Variants in TOP1 observed in about 807,000 individuals in gnomAD.
The protein encoded by TOP1 is DNA topoisomerase 1.
In TOP1, 10 loss-of-function variants were observed where a neutral mutation model predicts 111.1. The observed-to-expected ratio is 0.09, with a 90% CI of 0.06 to 0.15. The LOEUF is 0.15. TOP1 is among the 10% of genes least tolerant of loss of function. The pLI is 1.00. For synonymous variants in TOP1, 271 were observed against 302.9 expected, an observed-to-expected ratio of 0.89 and a Z score of 1.10; for missense variants, 474 against 926.7, an observed-to-expected ratio of 0.51 and a Z score of 6.34.
At chr20:41,119,802 T>C (rs1397783713) in intron 18 of TOP1, among the ~76,000 whole-genome samples, 1 of 152,250 alleles carries the variant, frequency 6.6e-6, no homozygotes, top group East Asian at 1.9e-4. Flanking sequence ...AAGAACTCTA[T>C]AGACGGCCCA....
At chr20:41,090,069 G>C (rs2033901659) in intron 8 of TOP1, among the ~76,000 whole-genome samples, 1 of 152,032 alleles carries the variant, frequency 6.6e-6, no homozygotes, top group South Asian at 2.1e-4. Flanking sequence ...TGCCTCCCAG[G>C]TTCAAGTGAT....
Position 41,082,748 on chromosome 20 carries a change from G to A in TOP1, c.507+1508G>A, listed in dbSNP as rs2033803011. Among the ~76,000 whole-genome samples the A allele has an allele frequency of 6.6e-6, 1 of 152,036 alleles. No individual in the cohort carries two copies. Among genetic ancestry groups the A allele is most frequent in the African/African-American group, 2.4e-5 (1 of 41,390 alleles). ...GGAATTGAGAGTGAAATGTTAAGTA[G>A]TGATTATGGTAGCCAATCACTCCAC... On this transcript the variant is annotated intron_variant, in intron 7 of 20. Coordinates refer to ENST00000361337, the MANE Select transcript of TOP1 (RefSeq NM_003286.4). This position sits in a 1 kb window ranked among gnomAD's most constrained non-coding sequence, Gnocchi z 4.1.
At chr20:41,064,666 C>T (rs2033585907) in intron 3 of TOP1, among the ~76,000 whole-genome samples, 1 of 152,150 alleles carries the variant, frequency 6.6e-6, no homozygotes, top group South Asian at 2.1e-4. Flanking sequence ...TGCTGTCATT[C>T]TTTTAGTTGC....
chr20:41,073,219 GA>G lies in TOP1; in HGVS notation c.156-2949del, dbSNP rs938288346. The G allele has an allele frequency of 3.0e-6, 3 of 985,238 alleles. No individual in the cohort carries two copies. The African/African-American group carries it at 5.2e-5, about 17-fold the overall frequency. The allele number at this position is 985,238 out of a possible 1,614,324, so 61.0% of individuals were successfully genotyped here. On this transcript the variant is annotated intron_variant, in intron 3 of 20. Coordinates refer to ENST00000361337, the MANE Select transcript of TOP1 (RefSeq NM_003286.4). ...TATGTTGTGATTGCCAAAAGGCTCAGAAAGCCAGTTTTCTAGTGAAAATGGC... is the reference window on the plus strand; with the variant it reads ...TATGTTGTGATTGCCAAAAGGCTCAGAAGCCAGTTTTCTAGTGAAAATGGC...
rs1274198645 is a variant in TOP1 at position 41,110,579 on chromosome 20, C to T, written c.1309-2203C>T. Among the ~76,000 whole-genome samples the T allele has an allele frequency of 1.3e-5, 2 of 152,188 alleles. No individual in the cohort carries two copies. Among genetic ancestry groups the T allele is most frequent in the Non-Finnish European group, 2.9e-5 (2 of 68,040 alleles). Reference sequence around the variant, plus strand: ...ATCCTGATTCCACCCAACCACTCTGCTGAATGGATAGCAGCTATATTAGAG... The same window carrying T: ...ATCCTGATTCCACCCAACCACTCTGTTGAATGGATAGCAGCTATATTAGAG... On this transcript the variant is annotated intron_variant, in intron 13 of 20. Transcript: ENST00000361337. The surrounding 1 kb of genome is among the most constrained non-coding windows in gnomAD (Gnocchi z 4.2).
At chr20:41,060,950 G>C (rs1406927439) in intron 2 of TOP1, among the ~76,000 whole-genome samples, 1 of 152,124 alleles carries the variant, frequency 6.6e-6, no homozygotes, top group African/African-American at 2.4e-5. Context: ...GATATGGAGG[G>C]CTGATTGTAT....
At position 41,082,608 on chromosome 20, in the gene TOP1, T is replaced by C. The variant is rs533674353; in HGVS notation, c.507+1368T>C. ...TTTAATGAAATCATATGAAGACCAT[T>C]AGTGAGTGAGTTGAGCCATAGAGAG... On this transcript the variant is annotated intron_variant, in intron 7 of 20. Coordinates refer to ENST00000361337, the MANE Select transcript of TOP1 (RefSeq NM_003286.4). This position sits in a 1 kb window ranked among gnomAD's most constrained non-coding sequence, Gnocchi z 4.1. Among the ~76,000 whole-genome samples the C allele has an allele frequency of 6.6e-6, 1 of 152,324 alleles. No individual in the cohort carries two copies. Among genetic ancestry groups the C allele is most frequent in the South Asian group, 2.1e-4 (1 of 4,826 alleles).
Position 41,098,163 on chromosome 20 carries a change from A to G in TOP1, c.853-52A>G, listed in dbSNP as rs2034008504. On this transcript the variant is annotated intron_variant, in intron 10 of 20. Coordinates refer to ENST00000361337, the MANE Select transcript of TOP1 (RefSeq NM_003286.4). This position sits in a 1 kb window ranked among gnomAD's most constrained non-coding sequence, Gnocchi z 5.7. ...TATTTGCAAAGAAACCCAAGGACTT[A>G]TTAGTGTATTTTCGTTGTTTTTCTT... 2 of 1,591,388 alleles carry G rather than the reference A, an allele frequency of 1.3e-6. No homozygotes were observed. Among genetic ancestry groups the G allele is most frequent in the Admixed American group, 1.7e-5 (1 of 59,932 alleles).
intron 3 of TOP1, among the ~76,000 whole-genome samples, chr20:41,075,862 G>A (rs1251729087): frequency 6.6e-6 from 1 of 152,148 alleles, no homozygotes; most frequent in African/African-American, 2.4e-5. Context: ...GCTGAAGTTG[G>A]AGCTTTCATT....
chr20:41,118,348 C>T lies in TOP1; in HGVS notation c.1950+52C>T, dbSNP rs759832404. The stretch of plus-strand genomic sequence containing the variant: ...GTGTCTGCTGTGGGCAGATTATCTG[C>T]GAATGAGAGGATTCAGGGCTGAGAT... On this transcript the variant is annotated intron_variant, in intron 18 of 20. Coordinates refer to ENST00000361337, the MANE Select transcript of TOP1 (RefSeq NM_003286.4). This position sits in a 1 kb window ranked among gnomAD's most constrained non-coding sequence, Gnocchi z 4.6. 1.6e-5 allele frequency: 26 copies of T among 1,599,116 alleles called. No homozygotes were observed. Among genetic ancestry groups the T allele is most frequent in the Non-Finnish European group, 2.0e-5 (23 of 1,169,318 alleles).
At chr20:41,044,180 G>A (rs754336738) in intron 2 of TOP1, among the ~76,000 whole-genome samples, 62 of 152,188 alleles carry the variant, frequency 4.1e-4, no homozygotes, top group Non-Finnish European at 6.6e-4. Flanking sequence ...GGAGGCTGAG[G>A]CAGGAGAATC....
Position 41,115,699 on chromosome 20 carries a change from C to A in TOP1, c.1707+260C>A, listed in dbSNP as rs1468971205. 6.6e-6 allele frequency among the ~76,000 whole-genome samples: 1 copy of A among 152,182 alleles called. No individual in the cohort carries two copies. The highest frequency in any genetic ancestry group is 1.5e-5 in the Non-Finnish European group (1 of 68,020). ...TACCTTTTATCCTTCCCTGCTCCTG[C>A]AGAGCTTTCCCTTCACTGAATGCCC... is the stretch of plus-strand genomic sequence containing the variant. On this transcript the variant is annotated intron_variant, in intron 16 of 20. Transcript: ENST00000361337. The surrounding 1 kb of genome is among the most constrained non-coding windows in gnomAD (Gnocchi z 6.3).
chr20:41,042,293 A>G (rs1233163577), intron 2 of TOP1, among the ~76,000 whole-genome samples: 2 of 152,242 alleles, frequency 1.3e-5, no homozygotes, highest in Non-Finnish European at 2.9e-5. Context: ...TCTAAGTTAT[A>G]GTTTCTACCT....
At chr20:41,111,834 GCTGTTT>G (rs2034246961) in intron 13 of TOP1, among the ~76,000 whole-genome samples, 1 of 152,004 alleles carries the variant, frequency 6.6e-6, no homozygotes, top group Non-Finnish European at 1.5e-5. Flanking sequence ...TCTGTTTTAT[GCTGTTT>G]TATGTAATTC....
At chr20:41,075,744 C>T (rs773933229) in intron 3 of TOP1, among the ~76,000 whole-genome samples, 24 of 152,186 alleles carry the variant, frequency 1.6e-4, no homozygotes, top group Non-Finnish European at 1.6e-4. Context: ...GCTGTTTACT[C>T]CATAAACCCT....
chr20:41,054,518 C>T (rs973985575), intron 2 of TOP1, among the ~76,000 whole-genome samples: 2 of 152,050 alleles, frequency 1.3e-5, no homozygotes, highest in Non-Finnish European at 2.9e-5. Context: ...ACCTAGATAC[C>T]CATTATTATC....
Position 41,101,154 on chromosome 20 carries a change from G to C in TOP1, c.1164-55G>C. 1.3e-6 allele frequency: 2 copies of C among 1,598,066 alleles called. No individual in the cohort carries two copies. The highest frequency in any genetic ancestry group is 1.7e-6 in the Non-Finnish European group (2 of 1,167,042). On this transcript the variant is annotated intron_variant, in intron 12 of 20. Transcript: ENST00000361337. The surrounding 1 kb of genome is among the most constrained non-coding windows in gnomAD (Gnocchi z 4.1). ...GATAGGTCCACTTGGGGTCATGAAAGGTGAAATTATTCCTCACATCTTATT... is the reference window on the plus strand; with the variant it reads ...GATAGGTCCACTTGGGGTCATGAAACGTGAAATTATTCCTCACATCTTATT...
At position 41,068,551 on chromosome 20, in the gene TOP1, C is replaced by G. The variant is rs567466837; in HGVS notation, c.155+7061C>G. Among the ~76,000 whole-genome samples, 7 of 152,248 alleles carry G rather than the reference C, an allele frequency of 4.6e-5. No homozygotes were observed. In the South Asian group the frequency reaches 1.2e-3, roughly 27 times the overall value. Reference sequence around the variant, plus strand: ...GAATAGCTGGGACAATAGGCATGCACCACCATGCTTGGTTAATTAACTTTT... The same window carrying G: ...GAATAGCTGGGACAATAGGCATGCAGCACCATGCTTGGTTAATTAACTTTT... On this transcript the variant is annotated intron_variant, in intron 3 of 20. Coordinates refer to ENST00000361337, the MANE Select transcript of TOP1 (RefSeq NM_003286.4).
intron 8 of TOP1, among the ~76,000 whole-genome samples, chr20:41,091,928 G>A (rs2033925427): frequency 6.6e-6 from 1 of 152,084 alleles, no homozygotes; most frequent in African/African-American, 2.4e-5. Context: ...TTCCCACTGA[G>A]CTTTAGATTC....
Sources: gnomAD v4.1 joint callset for allele counts (sites outside exome capture counted in the v4.1 genomes callset) on GRCh38, gnomAD v4.1.1 for gene constraint, Gnocchi (gnomAD v3.1) non-coding constraint, MANE v1.5 for transcripts, NCBI Gene and HGNC (gene_info 2026-07-23, HGNC 2026-07-21) for gene names.